TBC1D32: variants seen among roughly 807,000 people sequenced by gnomAD.
The protein encoded by TBC1D32 is TBC1 domain family member 32.
TBC1D32 carries 151 observed loss-of-function variants against 170.3 expected under a neutral mutation model. That is an observed-to-expected ratio of 0.89 (90% confidence interval 0.78 to 1.01). The LOEUF (loss-of-function observed/expected upper bound fraction) is 1.01. TBC1D32 is among the 50% of genes least tolerant of loss of function. The pLI, the probability that TBC1D32 is intolerant of heterozygous loss-of-function variation, is 0.00. For missense variants in TBC1D32, 1,464 were observed against 1,457.1 expected (o/e 1.00, Z -0.08); for synonymous variants, 498 against 488.0 (o/e 1.02, Z -0.27).
intron 15 of TBC1D32, among the ~76,000 whole-genome samples, chr6:121,270,863 T>TA (rs1386105021): frequency 6.6e-6 from 1 of 152,086 alleles, no homozygotes; most frequent in Non-Finnish European, 1.5e-5. Context: ...AAATCCTCAA[T>TA]AAAATACTGG....
intron 17 of TBC1D32, among the ~76,000 whole-genome samples, chr6:121,246,570 T>C (rs766746884): frequency 6.7e-6 from 1 of 149,914 alleles, no homozygotes; most frequent in African/African-American, 2.5e-5. Flanking sequence ...ATTCGGGAGG[T>C]TGACTATTAA....
At chr6:121,269,860 A>C (rs9490152) in intron 15 of TBC1D32, among the ~76,000 whole-genome samples, 11,311 of 152,220 alleles carry the variant, frequency 0.074, 454 homozygotes, top group South Asian at 0.15. Flanking sequence ...ACATAGTTGG[A>C]AGTAAAGCAC....
intron 30 of TBC1D32, among the ~76,000 whole-genome samples, chr6:121,096,844 C>G (rs112507878): frequency 6.6e-6 from 1 of 152,064 alleles, no homozygotes; most frequent in Non-Finnish European, 1.5e-5. Context: ...GGTACCAAAA[C>G]AGATATATAG....
At chr6:121,112,457 T>C (rs759188700) in intron 29 of TBC1D32, 48 bp downstream of exon 29, 3 of 1,514,666 alleles carry the variant, frequency 2.0e-6, no homozygotes, top group Admixed American at 2.0e-5. Flanking sequence ...GTAAGTATAA[T>C]GTTCTTAAAA....
chr6:121,228,703 A>G (rs1292826357), intron 20 of TBC1D32, among the ~76,000 whole-genome samples: 1 of 152,154 alleles, frequency 6.6e-6, no homozygotes, highest in African/African-American at 2.4e-5. Context: ...TGTGTTCTTG[A>G]AAAGAATGCG....
intron 11 of TBC1D32, among the ~76,000 whole-genome samples, chr6:121,292,937 C>A (rs1453689348): frequency 1.3e-5 from 2 of 152,048 alleles, no homozygotes; most frequent in Non-Finnish European, 2.9e-5. Context: ...GAAAGAACAT[C>A]TAGGAGGATT....
At chr6:121,172,357 A>G (rs886776816) in intron 22 of TBC1D32, among the ~76,000 whole-genome samples, 1 of 152,176 alleles carries the variant, frequency 6.6e-6, no homozygotes, top group African/African-American at 2.4e-5. Context: ...TGGACTATCA[A>G]GATGAAATCA....
chr6:121,309,048 T>C (rs1399759520), intron 4 of TBC1D32, among the ~76,000 whole-genome samples: 1 of 152,060 alleles, frequency 6.6e-6, no homozygotes, highest in African/African-American at 2.4e-5. Context: ...AATCAGACAC[T>C]CTGAACCAGG....
chr6:121,299,388 C>T, intron 10 of TBC1D32, 58 bp downstream of exon 10: 2 of 1,427,874 alleles, frequency 1.4e-6, no homozygotes, highest in Middle Eastern at 2.3e-4. Context: ...CAAGTTATTA[C>T]ATCATATATA....
intron 12 of TBC1D32, among the ~76,000 whole-genome samples, chr6:121,288,931 A>G (rs1321747074): frequency 1.3e-5 from 2 of 152,228 alleles, no homozygotes; most frequent in Non-Finnish European, 2.9e-5. Context: ...GATGCAGAAA[A>G]GGCCTTTGAC....
intron 7 of TBC1D32, 34 bp downstream of exon 7, chr6:121,304,488 A>C (rs767467904): frequency 3.1e-6 from 5 of 1,601,918 alleles, no homozygotes; most frequent in Non-Finnish European, 4.3e-6. Flanking sequence ...AACTAAATAA[A>C]TAAAAATGAA....
rs903141663 is a variant in TBC1D32, at chr6:121,079,554, CAG to C, written c.*1215_*1216del. 1.3e-5 allele frequency: 2 copies of C among 151,854 alleles called. No individual in the cohort carries two copies. Among genetic ancestry groups the C allele is most frequent in the Admixed American group, 1.3e-4 (2 of 15,236 alleles). The allele number at this position is 151,854 out of a possible 1,614,324, so 9.4% of individuals were successfully genotyped here. On this transcript the variant is annotated 3_prime_UTR_variant, in exon 32 of 32. Coordinates refer to ENST00000398212, the MANE Select transcript of TBC1D32 (RefSeq NM_152730.6). ...TTAGATACAAGGAAAGAATAAAAAA[CAG>C]TATCTACAATTAGAAAAACTTATTG...
intron 15 of TBC1D32, among the ~76,000 whole-genome samples, chr6:121,261,131 G>A (rs1799712390): frequency 6.6e-6 from 1 of 152,144 alleles, no homozygotes; most frequent in South Asian, 2.1e-4. Context: ...ACAGAACTCT[G>A]ATCTCCCTGG....
intron 2 of TBC1D32, among the ~76,000 whole-genome samples, chr6:121,320,231 GAA>G (rs1274581422): frequency 2.3e-5 from 3 of 131,502 alleles, no homozygotes; most frequent in African/African-American, 8.6e-5. Flanking sequence ...AAAAAACTGG[GAA>G]AAAAAAAAAA....
At chr6:121,191,955 T>A (rs1444460349) in intron 22 of TBC1D32, among the ~76,000 whole-genome samples, 1 of 151,844 alleles carries the variant, frequency 6.6e-6, no homozygotes, top group African/African-American at 2.4e-5. Context: ...AACATTGGAC[T>A]CCAAGTTCTT....
At chr6:121,241,612 C>A (rs1035411822) in intron 18 of TBC1D32, 60 bp from the exon 19 acceptor site, 2 of 1,346,420 alleles carry the variant, frequency 1.5e-6, no homozygotes, top group Admixed American at 3.4e-5. Flanking sequence ...GCTAACTAGA[C>A]ATTCCTTCAA....
At chr6:121,332,761 T>C (rs1811375123) in intron 1 of TBC1D32, among the ~76,000 whole-genome samples, 1 of 152,182 alleles carries the variant, frequency 6.6e-6, no homozygotes, top group Non-Finnish European at 1.5e-5. Flanking sequence ...CTCCACTGTT[T>C]AATAAATCTG....
chr6:121,289,822 C>T (rs1228631963), intron 12 of TBC1D32, among the ~76,000 whole-genome samples: 1 of 152,046 alleles, frequency 6.6e-6, no homozygotes, highest in Non-Finnish European at 1.5e-5. Context: ...TGGAACAGAA[C>T]AGAGCCCTCA....
chr6:121,290,552 G>A (rs1563261062), intron 12 of TBC1D32, among the ~76,000 whole-genome samples: 1 of 152,102 alleles, frequency 6.6e-6, no homozygotes, highest in Non-Finnish European at 1.5e-5. Flanking sequence ...ACTGTTGGTG[G>A]GACTGTGAAC....
Sources: allele counts gnomAD v4.1 joint callset (sites outside exome capture counted in the v4.1 genomes callset), GRCh38; gene constraint gnomAD v4.1.1; transcripts MANE v1.5; gene names NCBI Gene and HGNC (gene_info 2026-07-23, HGNC 2026-07-21).